PKHD1: variants seen among roughly 807,000 people sequenced by gnomAD.
PKHD1 encodes the protein fibrocystin.
A neutral mutation model predicts 412.0 loss-of-function variants in PKHD1; 291 were observed. That is an observed-to-expected ratio of 0.71 (90% CI 0.64 to 0.78). The LOEUF is 0.78. Among genes scored for constraint, PKHD1 ranks in the 30% least tolerant of loss-of-function variants. PKHD1 has a pLI of 0.00. For missense variants in PKHD1, 4,825 were observed against 4,950.7 expected, an observed-to-expected ratio of 0.97 and a Z score of 0.76; for synonymous variants, 1,777 against 1,821.5, an observed-to-expected ratio of 0.98 and a Z score of 0.62.
At chr6:51,777,303 C>T (rs889878792) in intron 53 of PKHD1, among the ~76,000 whole-genome samples, 5 of 152,096 alleles carry the variant, frequency 3.3e-5, no homozygotes, top group Admixed American at 6.6e-5. Context: ...TTGCTACATA[C>T]CTATTTTTAT....
At chr6:51,883,583 T>C (rs529488978) in intron 45 of PKHD1, among the ~76,000 whole-genome samples, 1 of 152,224 alleles carries the variant, frequency 6.6e-6, no homozygotes, top group Non-Finnish European at 1.5e-5. Context: ...TTTTCTTCAA[T>C]GTATTATATA....
Position 51,906,341 on chromosome 6 carries a change from C to T in PKHD1, c.6683-1G>A. 1 of 1,610,834 alleles carries T rather than the reference C, an allele frequency of 6.2e-7. No homozygotes were observed. The stretch of plus-strand genomic sequence containing the variant: ...ACTGTGCAGCCCTGTATGAAAGACT[C>T]TGAATAGGAAAGAGTAAAGTAAAAA... On this transcript the variant is annotated splice_acceptor_variant, in intron 40 of 66. Coordinates refer to ENST00000371117, the MANE Select transcript of PKHD1 (RefSeq NM_138694.4). LOFTEE classifies it high-confidence loss of function.
intron 65 of PKHD1, among the ~76,000 whole-genome samples, chr6:51,627,848 A>G (rs1767456952): frequency 6.6e-6 from 1 of 152,108 alleles, no homozygotes. Flanking sequence ...CATTTATTTA[A>G]TAAATTCATT....
Position 52,070,464 on chromosome 6 carries a change from C to T in PKHD1, c.668-19G>A. ...TGGGAGCCTGTAACACAAAGAAACA[C>T]ACATTAACTCAGGAATCTGCACGAG... is the stretch of plus-strand genomic sequence containing the variant. On this transcript the variant is annotated intron_variant, in intron 9 of 66. Transcript: ENST00000371117. 1 of 1,599,270 alleles carries T rather than the reference C, an allele frequency of 6.3e-7. No homozygotes were observed. Among genetic ancestry groups the T allele is most frequent in the Non-Finnish European group, 8.6e-7 (1 of 1,167,104 alleles).
chr6:52,051,414 A>C (rs1195354218), intron 21 of PKHD1, among the ~76,000 whole-genome samples: 2 of 152,256 alleles, frequency 1.3e-5, no homozygotes, highest in African/African-American at 4.8e-5. Flanking sequence ...TTAACTATGA[A>C]TATTGAGCCC....
In PKHD1 at chr6:51,615,790, C is replaced by T. The variant is rs969108396; in HGVS notation, c.*3291G>A. On this transcript the variant is annotated 3_prime_UTR_variant, in exon 67 of 67. Transcript: ENST00000371117. ...GAAAGGGGAAGGCCCTGAGAGAGCTCAACTGTTCTTGGTCCTTGGTGGCCT... is the reference window on the plus strand; with the variant it reads ...GAAAGGGGAAGGCCCTGAGAGAGCTTAACTGTTCTTGGTCCTTGGTGGCCT... The T allele has an allele frequency of 1.6e-4, 25 of 152,104 alleles. No homozygotes were observed. The highest frequency in any genetic ancestry group is 7.4e-5 in the Non-Finnish European group (5 of 68,012). The allele number at this position is 152,104 out of a possible 1,614,324, so 9.4% of individuals were successfully genotyped here.
chr6:51,718,522 T>C (rs1781528166), intron 60 of PKHD1, among the ~76,000 whole-genome samples: 1 of 152,254 alleles, frequency 6.6e-6, no homozygotes, highest in Admixed American at 6.5e-5. Flanking sequence ...TAGAAATATT[T>C]AGAATTCCTT....
At chr6:51,796,313 C>T (rs1280577486) in intron 52 of PKHD1, among the ~76,000 whole-genome samples, 1 of 152,028 alleles carries the variant, frequency 6.6e-6, no homozygotes, top group East Asian at 1.9e-4. Flanking sequence ...ATAATATTCC[C>T]TGAGGGTTGT....
chr6:51,818,239 A>C (rs1765799882), intron 52 of PKHD1, among the ~76,000 whole-genome samples: 1 of 152,230 alleles, frequency 6.6e-6, no homozygotes, highest in Admixed American at 6.5e-5. Context: ...GCAGTCACTT[A>C]CTGCTTGCAA....
intron 18 of PKHD1, 29 bp downstream of exon 18, chr6:52,056,669 G>A (rs760364262): frequency 3.5e-5 from 51 of 1,461,146 alleles, no homozygotes; most frequent in Admixed American, 1.3e-4. Context: ...TGATGAAAAA[G>A]ACAATCAGAA....
intron 60 of PKHD1, among the ~76,000 whole-genome samples, chr6:51,670,692 T>G: frequency 6.6e-6 from 1 of 152,220 alleles, no homozygotes; most frequent in Non-Finnish European, 1.5e-5. Flanking sequence ...GTACCAGTTG[T>G]GCCTTTCCAT....
At chr6:51,722,932 C>G (rs563402012) in intron 60 of PKHD1, among the ~76,000 whole-genome samples, 1 of 152,278 alleles carries the variant, frequency 6.6e-6, no homozygotes, top group African/African-American at 2.4e-5. Flanking sequence ...TAGGCCTGCT[C>G]TGAACAATAA....
intron 53 of PKHD1, among the ~76,000 whole-genome samples, chr6:51,777,595 A>T (rs1002899935): frequency 6.8e-6 from 1 of 147,994 alleles, no homozygotes; most frequent in Non-Finnish European, 1.5e-5. Flanking sequence ...CGTAGCTGTT[A>T]TCTTGCCATT....
rs1342555536 is a variant in PKHD1, at chr6:51,772,756, T to C, written c.8588A>G (p.Tyr2863Cys). 6.3e-7 allele frequency: 1 copy of C among 1,598,336 alleles called. No homozygotes were observed. Among genetic ancestry groups the C allele is most frequent in the Non-Finnish European group, 8.6e-7 (1 of 1,166,200 alleles). Residue 2863 changes from tyrosine (Y) to cysteine (C), a missense_variant, in exon 55 of 67, where the codon TAT becomes TGT. Transcript: ENST00000371117. ...VYGKVHLYSA[Y>C]PKNSWTHLGA... ...AAGATGTGTCCAGGAGTTCTTAGGA[T>C]AAGCACTGTAAAGATGAACTTTCCC...
intron 55 of PKHD1, among the ~76,000 whole-genome samples, chr6:51,766,490 A>G (rs1382135387): frequency 1.3e-5 from 2 of 152,114 alleles, no homozygotes; most frequent in Non-Finnish European, 2.9e-5. Context: ...GTATTCCATT[A>G]CTGTTTTAAT....
chr6:51,909,968 C>T (rs1782705495), intron 39 of PKHD1, among the ~76,000 whole-genome samples: 1 of 152,090 alleles, frequency 6.6e-6, no homozygotes, highest in Non-Finnish European at 1.5e-5. Context: ...ACAGAAATGT[C>T]AAAGGACTCC....
chr6:51,748,040 G>A lies in PKHD1; in HGVS notation c.9576C>T (p.Ser3192=), dbSNP rs201670044. 25 of 1,614,032 alleles carry A rather than the reference G, an allele frequency of 1.5e-5. No homozygotes were observed. Among genetic ancestry groups the A allele is most frequent in the African/African-American group, 8.0e-5 (6 of 75,006 alleles). Residue 3192 remains serine, a synonymous_variant, in exon 58 of 67, where the codon TCC becomes TCT. Transcript: ENST00000371117. ...TAAGCACAATCTGCACTTTTTTGACGGAATTTTGTGGAGCAGAAAATACAT... is the reference window on the plus strand; with the variant it reads ...TAAGCACAATCTGCACTTTTTTGACAGAATTTTGTGGAGCAGAAAATACAT... ...VVYVFSAPQN[S]VKKVQIVLRN...
At chr6:52,082,917 A>G (rs1812252543) in intron 3 of PKHD1, among the ~76,000 whole-genome samples, 1 of 152,138 alleles carries the variant, frequency 6.6e-6, no homozygotes. Flanking sequence ...CTTCCATATC[A>G]TCTCATGTAG....
At chr6:51,667,921 C>T (rs946249424) in intron 60 of PKHD1, among the ~76,000 whole-genome samples, 1 of 152,076 alleles carries the variant, frequency 6.6e-6, no homozygotes, top group African/African-American at 2.4e-5. Context: ...GTTTTGGTAG[C>T]AGTACCATGC....
Sources: allele counts gnomAD v4.1 joint callset (sites outside exome capture counted in the v4.1 genomes callset), GRCh38; gene constraint gnomAD v4.1.1; transcripts MANE v1.5; gene names NCBI Gene and HGNC (gene_info 2026-07-23, HGNC 2026-07-21).